The following PDGFC variants were observed in gnomAD, a reference collection of about 807,000 sequenced individuals.
PDGFC encodes the protein platelet-derived growth factor C.
A neutral mutation model predicts 35.5 loss-of-function variants in PDGFC; 12 were observed. The ratio of observed to expected loss-of-function variants is 0.34; its 90% CI spans 0.22 to 0.55. PDGFC has a LOEUF of 0.55. PDGFC is among the 20% of genes least tolerant of loss of function. The pLI is 0.91. For missense variants in PDGFC, 322 were observed against 412.4 expected (o/e 0.78, Z 1.90); for synonymous variants, 159 against 148.8 (o/e 1.07, Z -0.50).
intron 1 of PDGFC, among the ~76,000 whole-genome samples, chr4:156,895,496 G>T (rs956534066): frequency 6.6e-6 from 1 of 151,982 alleles, no homozygotes; most frequent in Non-Finnish European, 1.5e-5. Flanking sequence ...GCCGGGTGTT[G>T]TGGTGGGTGC....
At chr4:156,901,625 A>ATTTTT (rs1730788267) in intron 1 of PDGFC, among the ~76,000 whole-genome samples, 1 of 147,304 alleles carries the variant, frequency 6.8e-6, no homozygotes, top group African/African-American at 2.6e-5. Context: ...TTATTATTTT[A>ATTTTT]CTTTTTATTT....
At chr4:156,766,041 T>C (rs1730518268) in intron 5 of PDGFC, among the ~76,000 whole-genome samples, 1 of 152,148 alleles carries the variant, frequency 6.6e-6, no homozygotes, top group Non-Finnish European at 1.5e-5. Context: ...GGTTCAAAAC[T>C]GGGATGTCTA....
intron 3 of PDGFC, among the ~76,000 whole-genome samples, chr4:156,804,930 A>G (rs773970856): frequency 5.9e-5 from 9 of 152,164 alleles, no homozygotes; most frequent in African/African-American, 1.4e-4. Context: ...ACACTCTTAT[A>G]AAATGACTTA....
At chr4:156,830,557 A>G (rs1002419746) in intron 2 of PDGFC, among the ~76,000 whole-genome samples, 26 of 152,262 alleles carry the variant, frequency 1.7e-4, no homozygotes, top group African/African-American at 6.3e-4. Context: ...GAGACAGTAT[A>G]TTTCACCAGA....
intron 2 of PDGFC, among the ~76,000 whole-genome samples, chr4:156,824,378 A>G (rs1305003321): frequency 6.8e-6 from 1 of 146,232 alleles, no homozygotes; most frequent in Non-Finnish European, 1.5e-5. Flanking sequence ...ACACACATAC[A>G]TACATACACA....
intron 1 of PDGFC, among the ~76,000 whole-genome samples, chr4:156,921,244 A>G (rs10517660): frequency 0.5 from 75,792 of 152,000 alleles, 20,576 homozygotes; most frequent in East Asian, 0.63. Context: ...TGCGTGAAAT[A>G]ACGCTACAAA....
At chr4:156,766,517 C>A (rs1730534671) in intron 5 of PDGFC, among the ~76,000 whole-genome samples, 1 of 152,110 alleles carries the variant, frequency 6.6e-6, no homozygotes, top group Non-Finnish European at 1.5e-5. Context: ...AGGAAACCAT[C>A]CTTCTTGAAA....
chr4:156,872,981 A>G (rs1171321393), intron 1 of PDGFC, among the ~76,000 whole-genome samples: 1 of 152,042 alleles, frequency 6.6e-6, no homozygotes, highest in African/African-American at 2.4e-5. Context: ...AATAAATAAA[A>G]TATCTAGGTG....
At chr4:156,821,138 T>C (rs1030261909) in intron 2 of PDGFC, among the ~76,000 whole-genome samples, 2 of 151,790 alleles carry the variant, frequency 1.3e-5, no homozygotes, top group East Asian at 3.9e-4. Flanking sequence ...AGTATGAAAG[T>C]TGAGACATCC....
chr4:156,768,403 T>C (rs1274460995), intron 4 of PDGFC, among the ~76,000 whole-genome samples: 2 of 151,952 alleles, frequency 1.3e-5, no homozygotes, highest in African/African-American at 2.4e-5. Flanking sequence ...ACAAGTATAA[T>C]TCTTAAAAGG....
intron 3 of PDGFC, among the ~76,000 whole-genome samples, chr4:156,799,808 T>C (rs1181177738): frequency 6.6e-6 from 1 of 152,180 alleles, no homozygotes; most frequent in Non-Finnish European, 1.5e-5. Flanking sequence ...TTAAAAAAGC[T>C]TCTTGTTTGG....
chr4:156,882,327 G>T (rs1730263996), intron 1 of PDGFC, among the ~76,000 whole-genome samples: 1 of 152,046 alleles, frequency 6.6e-6, no homozygotes, highest in East Asian at 1.9e-4. Flanking sequence ...ATTTCTCCAA[G>T]ACTTAAAAAT....
chr4:156,917,316 C>A (rs1162500430), intron 1 of PDGFC, among the ~76,000 whole-genome samples: 1 of 152,208 alleles, frequency 6.6e-6, no homozygotes, highest in African/African-American at 2.4e-5. Context: ...CTATCCCAAA[C>A]ACAGCCCTAG....
At chr4:156,945,181 AG>A (rs2110919615) in intron 1 of PDGFC, among the ~76,000 whole-genome samples, 1 of 151,484 alleles carries the variant, frequency 6.6e-6, no homozygotes, top group Admixed American at 6.6e-5. Context: ...GGAGACCACA[AG>A]TTTTGTACAT....
At chr4:156,788,724 C>A (rs755290463) in intron 3 of PDGFC, among the ~76,000 whole-genome samples, 3 of 152,176 alleles carry the variant, frequency 2.0e-5, no homozygotes, top group Non-Finnish European at 2.9e-5. Context: ...AATATGAATG[C>A]TCATGCAACA....
intron 1 of PDGFC, among the ~76,000 whole-genome samples, chr4:156,947,952 T>A (rs1380631668): frequency 2.6e-5 from 4 of 151,922 alleles, no homozygotes; most frequent in Non-Finnish European, 5.9e-5. Context: ...TAATTTACAG[T>A]TTCTCGATCT....
intron 1 of PDGFC, among the ~76,000 whole-genome samples, chr4:156,899,552 C>T (rs1457338605): frequency 6.6e-6 from 1 of 152,202 alleles, no homozygotes; most frequent in Non-Finnish European, 1.5e-5. Context: ...TGGTGGCTCA[C>T]ACCTGTAATC....
At chr4:156,769,845 G>C (rs941843538) in intron 4 of PDGFC, among the ~76,000 whole-genome samples, 2 of 151,918 alleles carry the variant, frequency 1.3e-5, no homozygotes, top group Admixed American at 1.3e-4. Context: ...CTTTTCTCTA[G>C]TATTTAATGC....
intron 5 of PDGFC, among the ~76,000 whole-genome samples, chr4:156,766,866 G>T (rs75274046): frequency 6.6e-6 from 1 of 151,878 alleles, no homozygotes; most frequent in Non-Finnish European, 1.5e-5. Flanking sequence ...TCTAGAGCTC[G>T]GCTTTCACTT....
Sources: gnomAD v4.1 joint callset for allele counts (sites outside exome capture counted in the v4.1 genomes callset) on GRCh38, gnomAD v4.1.1 for gene constraint, MANE v1.5 for transcripts, NCBI Gene and HGNC (gene_info 2026-07-23, HGNC 2026-07-21) for gene names.